The following SLA variants were observed in gnomAD, a reference collection of about 807,000 sequenced individuals.
The protein encoded by SLA is src-like-adapter.
A neutral mutation model predicts 30.3 loss-of-function variants in SLA; 16 were observed. That is an observed-to-expected ratio of 0.53 (90% CI 0.36 to 0.80). The LOEUF is 0.80. SLA is among the 30% of genes least tolerant of loss of function. The pLI is 0.01. For missense variants in SLA, 310 were observed against 345.2 expected, an observed-to-expected ratio of 0.90 and a Z score of 0.81; for synonymous variants, 143 against 137.8, an observed-to-expected ratio of 1.04 and a Z score of -0.26.
At chr8:133,046,875 C>T (rs373118835) in intron 6 of SLA, among the ~76,000 whole-genome samples, 4 of 152,194 alleles carry the variant, frequency 2.6e-5, no homozygotes, top group African/African-American at 9.7e-5. Context: ...GTGAAGGGCT[C>T]TAGCACCAGG....
intron 1 of SLA, among the ~76,000 whole-genome samples, chr8:133,093,493 A>G (rs1371876492): frequency 5.3e-5 from 8 of 152,150 alleles, no homozygotes; most frequent in Non-Finnish European, 1.2e-4. Context: ...AATCACGTGT[A>G]TCTCCCAGCC....
At chr8:133,073,738 C>T (rs1410679212) in intron 2 of SLA, among the ~76,000 whole-genome samples, 1 of 152,068 alleles carries the variant, frequency 6.6e-6, no homozygotes, top group Admixed American at 6.6e-5. Context: ...CCACTTTAAA[C>T]ACAGGCCTCA....
At chr8:133,083,356 T>C (rs1391092255) in intron 1 of SLA, among the ~76,000 whole-genome samples, 1 of 152,246 alleles carries the variant, frequency 6.6e-6, no homozygotes, top group South Asian at 2.1e-4. Context: ...TTGAAACATG[T>C]ATGCACTTTA....
At chr8:133,076,621 A>T (rs926862723) in intron 1 of SLA, 1 of 152,210 alleles carries the variant, frequency 6.6e-6, no homozygotes, top group Non-Finnish European at 1.5e-5. Context: ...AGTCAGAGGT[A>T]TGAGTTTTGT....
At chr8:133,064,828 G>T (rs1179404887) in intron 2 of SLA, among the ~76,000 whole-genome samples, 2 of 152,062 alleles carry the variant, frequency 1.3e-5, no homozygotes, top group Admixed American at 1.3e-4. Flanking sequence ...ACAGTTGTAT[G>T]CACCTGGTCC....
At position 133,096,483 on chromosome 8, in the gene SLA, G is replaced by C; in HGVS notation, c.-319+6070C>G. 4 of 1,312,354 alleles carry C rather than the reference G, an allele frequency of 3.0e-6. No individual in the cohort carries two copies. The South Asian group carries it at 5.0e-5, about 16-fold the overall frequency. The allele number at this position is 1,312,354 out of a possible 1,614,324, so 81.3% of individuals were successfully genotyped here. On this transcript the variant is annotated intron_variant, in intron 1 of 8. Transcript: ENST00000338087. ...ATTGACCAATTGCTGAGTAACTACT[G>C]TGTGCAATGCCTATGTGAGTTTAGG...
chr8:133,064,946 G>A (rs919430836), intron 2 of SLA, among the ~76,000 whole-genome samples: 3 of 152,172 alleles, frequency 2.0e-5, no homozygotes, highest in Non-Finnish European at 4.4e-5. Flanking sequence ...CCAAGGGAAG[G>A]CAGGTCATAA....
At chr8:133,093,151 T>G (rs1458999452) in intron 1 of SLA, among the ~76,000 whole-genome samples, 5 of 151,638 alleles carry the variant, frequency 3.3e-5, no homozygotes, top group Non-Finnish European at 7.4e-5. Context: ...TTTTTTTTTT[T>G]AATTTAAAGT....
At chr8:133,056,858 C>A (rs1267452358) in intron 3 of SLA, among the ~76,000 whole-genome samples, 3 of 152,150 alleles carry the variant, frequency 2.0e-5, no homozygotes, top group African/African-American at 7.2e-5. Context: ...GGTCTGTGGT[C>A]TGCAAGCTTT....
chr8:133,043,633 A>G, intron 7 of SLA, among the ~76,000 whole-genome samples: 1 of 152,180 alleles, frequency 6.6e-6, no homozygotes, highest in East Asian at 1.9e-4. Context: ...GACCTTGCCC[A>G]AGGCCTCACA....
chr8:133,091,387 A>G (rs1257601321), intron 1 of SLA, among the ~76,000 whole-genome samples: 3 of 152,146 alleles, frequency 2.0e-5, no homozygotes, highest in Non-Finnish European at 4.4e-5. Context: ...GGCGGAGTCC[A>G]TCCAGAGGAC....
chr8:133,057,732 A>G (rs1161059826), intron 3 of SLA, among the ~76,000 whole-genome samples: 1 of 151,938 alleles, frequency 6.6e-6, no homozygotes, highest in Non-Finnish European at 1.5e-5. Flanking sequence ...AAATTGACTA[A>G]TCAAGAATAT....
At chr8:133,102,345 G>C in intron 1 of SLA, 3 of 499,578 alleles carry the variant, frequency 6.0e-6, no homozygotes, top group East Asian at 3.1e-5. Context: ...GGGAAGTCAC[G>C]GAGGGACAGG....
chr8:133,064,941 G>T (rs990807305), intron 2 of SLA, among the ~76,000 whole-genome samples: 1 of 152,136 alleles, frequency 6.6e-6, no homozygotes, highest in Non-Finnish European at 1.5e-5. Flanking sequence ...TCCAACCAAG[G>T]GAAGGCAGGT....
chr8:133,068,698 G>A (rs1775492794), intron 2 of SLA, among the ~76,000 whole-genome samples: 1 of 152,214 alleles, frequency 6.6e-6, no homozygotes, highest in Non-Finnish European at 1.5e-5. Context: ...ACAGTGAGTG[G>A]GCGTCTTATG....
chr8:133,063,200 A>G (rs1842622910), intron 2 of SLA, among the ~76,000 whole-genome samples: 1 of 151,678 alleles, frequency 6.6e-6, no homozygotes, highest in Non-Finnish European at 1.5e-5. Context: ...CTGTCATTCA[A>G]CACCTAGTGA....
chr8:133,069,331 A>T (rs1843593914), intron 2 of SLA, among the ~76,000 whole-genome samples: 1 of 152,230 alleles, frequency 6.6e-6, no homozygotes. Flanking sequence ...CTGACACAGC[A>T]TTTGCCAGTG....
intron 2 of SLA, among the ~76,000 whole-genome samples, chr8:133,071,578 T>C (rs1286703432): frequency 6.6e-6 from 1 of 152,084 alleles, no homozygotes; most frequent in Non-Finnish European, 1.5e-5. Flanking sequence ...GCTTGGAACT[T>C]GCATTCAGAG....
At position 133,037,057 on chromosome 8, in the gene SLA, G is replaced by C. The variant is rs919314926; in HGVS notation, c.*1467C>G. The C allele has an allele frequency of 1.3e-5, 2 of 152,210 alleles. No individual in the cohort carries two copies. Among genetic ancestry groups the C allele is most frequent in the Non-Finnish European group, 2.9e-5 (2 of 68,036 alleles). 9.4% of individuals were successfully genotyped at this position (152,210 alleles called of 1,614,324 possible). On this transcript the variant is annotated 3_prime_UTR_variant, in exon 9 of 9. Transcript: ENST00000338087. ...ACTAGAATCTATGATACAGAAAACT[G>C]TGTAACTGCACATACACATACCAGT...
Sources: gnomAD v4.1 joint callset for allele counts (sites outside exome capture counted in the v4.1 genomes callset) on GRCh38, gnomAD v4.1.1 for gene constraint, MANE v1.5 for transcripts, NCBI Gene and HGNC (gene_info 2026-07-23, HGNC 2026-07-21) for gene names.